The following CLVS1 variants were observed in gnomAD, a reference collection of about 807,000 sequenced individuals.
CLVS1 encodes clavesin 1, also known as clavesin-1.
CLVS1 carries 10 observed loss-of-function variants against 33.1 expected under a neutral mutation model. The observed-to-expected ratio is 0.30, with a 90% CI of 0.19 to 0.51. CLVS1 has a LOEUF of 0.51. Among genes scored for constraint, CLVS1 ranks in the 20% least tolerant of loss-of-function variants. CLVS1 has a pLI of 0.97. For missense variants in CLVS1, 343 were observed against 433.4 expected (o/e 0.79, Z 1.85); for synonymous variants, 163 against 166.1 (o/e 0.98, Z 0.14).
At chr8:61,147,091 G>A (rs559429262) in intron 2 of CLVS1, among the ~76,000 whole-genome samples, 12 of 152,302 alleles carry the variant, frequency 7.9e-5, no homozygotes, top group African/African-American at 2.9e-4. Flanking sequence ...CTTCTACTGG[G>A]GGTGTCCCCT....
At chr8:61,340,305 T>G (rs1811986581) in intron 2 of CLVS1, among the ~76,000 whole-genome samples, 1 of 152,212 alleles carries the variant, frequency 6.6e-6, no homozygotes, top group African/African-American at 2.4e-5. Flanking sequence ...AACTTATTCA[T>G]CCTGCCTAAC....
intron 3 of CLVS1, 24 bp downstream of exon 3, chr8:61,376,803 C>A: frequency 6.3e-7 from 1 of 1,580,986 alleles, no homozygotes; most frequent in Non-Finnish European, 8.6e-7. Context: ...ATGCGCAATA[C>A]AAGACCATGT....
chr8:61,045,427 GT>G, the CLVS1 span, among the ~76,000 whole-genome samples: 2 of 152,166 alleles, frequency 1.3e-5, no homozygotes, highest in Non-Finnish European at 2.9e-5. Flanking sequence ...CAAAGGAAGT[GT>G]GGCAGTGTGC....
At chr8:61,046,707 C>A in the CLVS1 span, among the ~76,000 whole-genome samples, 3 of 152,094 alleles carry the variant, frequency 2.0e-5, no homozygotes, top group Non-Finnish European at 4.4e-5. Flanking sequence ...TCCTTCACGT[C>A]CCTTGTAAGT....
intron 2 of CLVS1, among the ~76,000 whole-genome samples, chr8:61,345,638 ATGTGTG>A (rs1004446368): frequency 0.018 from 2,333 of 130,466 alleles, 20 homozygotes; most frequent in African/African-American, 0.025. Context: ...GTGTGTGTGT[ATGTGTG>A]TGTGTGTGTG....
At chr8:61,486,055 C>A (rs141464522) in intron 5 of CLVS1, among the ~76,000 whole-genome samples, 2 of 151,884 alleles carry the variant, frequency 1.3e-5, no homozygotes, top group Admixed American at 6.6e-5. Context: ...ATGTAACTAA[C>A]CTGCACGTTG....
At chr8:61,074,013 A>C (rs112828038) in intron 1 of CLVS1, among the ~76,000 whole-genome samples, 1 of 148,806 alleles carries the variant, frequency 6.7e-6, no homozygotes, top group African/African-American at 2.5e-5. Flanking sequence ...CCGTCTCAAA[A>C]AAAAAAAAAA....
intron 1 of CLVS1, among the ~76,000 whole-genome samples, chr8:61,108,096 C>A (rs2016929363): frequency 6.6e-6 from 1 of 151,630 alleles, no homozygotes; most frequent in South Asian, 2.1e-4. Context: ...GGTGAAACCC[C>A]ATCTCTACTA....
chr8:61,056,468 A>G (rs1344360519), upstream of CLVS1, among the ~76,000 whole-genome samples: 1 of 152,216 alleles, frequency 6.6e-6, no homozygotes, highest in Non-Finnish European at 1.5e-5. Flanking sequence ...ATCATTGGAA[A>G]GTGACAGGCT....
chr8:61,067,462 T>C lies in CLVS1; in HGVS notation c.-243+10232T>C, dbSNP rs987963067. On this transcript the variant is annotated intron_variant, in intron 1 of 2. Transcript: ENST00000522621. ...TTATATATTATTAGTTGATATATTA[T>C]TATAATGATCATTATTATAATGATA... Among the ~76,000 whole-genome samples the C allele has an allele frequency of 5.3e-4, 79 of 148,696 alleles. 1 individual carries two copies. Among genetic ancestry groups the C allele is most frequent in the African/African-American group, 1.8e-3 (74 of 40,978 alleles).
At chr8:60,966,557 G>A in the CLVS1 span, 1 of 292,620 alleles carries the variant, frequency 3.4e-6, no homozygotes, top group African/African-American at 2.2e-5. Context: ...GATTCATGTG[G>A]AAATAAACAT....
chr8:61,299,879 G>A lies in CLVS1; in HGVS notation c.52G>A (p.Gly18Arg), dbSNP rs770762643. 4.8e-5 allele frequency: 77 copies of A among 1,613,540 alleles called. No homozygotes were observed. Among genetic ancestry groups the A allele is most frequent in the East Asian group, 1.1e-4 (5 of 44,886 alleles). ...ATATCAGAAGTTAAACACTTGGAAC[G>A]GAGATTTGGCCAAGATGACCCATTT... is the stretch of plus-strand genomic sequence containing the variant. ...PKYQKLNTWN[G>R]DLAKMTHLQA... The change falls in exon 2 of 6, where the codon GGA becomes AGA. Residue 18 changes from glycine to arginine, a missense_variant. Transcript: ENST00000325897.
At chr8:60,991,268 A>G in the CLVS1 span, among the ~76,000 whole-genome samples, 1 of 152,216 alleles carries the variant, frequency 6.6e-6, no homozygotes, top group Non-Finnish European at 1.5e-5. Flanking sequence ...ATAGGTAAAG[A>G]GGAAAAAAAA....
At chr8:61,131,990 T>C (rs568204844) in intron 2 of CLVS1, 4 of 152,424 alleles carry the variant, frequency 2.6e-5, no homozygotes, top group African/African-American at 4.8e-5. Flanking sequence ...GAAGGGGCCA[T>C]TGGATTGCCA....
the CLVS1 span, among the ~76,000 whole-genome samples, chr8:61,019,113 T>A: frequency 6.6e-6 from 1 of 152,228 alleles, no homozygotes; most frequent in Non-Finnish European, 1.5e-5. Context: ...AAAACTGTAC[T>A]CTCCTATGCC....
At chr8:61,234,423 G>A (rs1213063226) in intron 2 of CLVS1, among the ~76,000 whole-genome samples, 2 of 152,144 alleles carry the variant, frequency 1.3e-5, no homozygotes, top group African/African-American at 4.8e-5. Flanking sequence ...TTCTGTGACA[G>A]AAGTTCAGGG....
intron 1 of CLVS1, among the ~76,000 whole-genome samples, chr8:61,078,346 G>A (rs1021251747): frequency 6.6e-6 from 1 of 152,168 alleles, no homozygotes; most frequent in Non-Finnish European, 1.5e-5. Flanking sequence ...TGATTTGGAC[G>A]GGGACACCTG....
intron 3 of CLVS1, among the ~76,000 whole-genome samples, chr8:61,379,668 A>C (rs1003254015): frequency 1.3e-5 from 2 of 152,088 alleles, no homozygotes; most frequent in Non-Finnish European, 2.9e-5. Context: ...TTCTCTGGGG[A>C]GCAGACTATG....
chr8:61,165,871 A>G (rs367762733), intron 2 of CLVS1, among the ~76,000 whole-genome samples: 2 of 152,154 alleles, frequency 1.3e-5, no homozygotes, highest in African/African-American at 4.8e-5. Flanking sequence ...TTGATTTTCT[A>G]TTTTTCAAAT....
Sources: gnomAD v4.1 joint callset for allele counts (sites outside exome capture counted in the v4.1 genomes callset) on GRCh38, gnomAD v4.1.1 for gene constraint, MANE v1.5 for transcripts, NCBI Gene and HGNC (gene_info 2026-07-23, HGNC 2026-07-21) for gene names.